The following CNPY4 variants were observed in gnomAD, a reference collection of about 807,000 sequenced individuals.
CNPY4 encodes canopy FGF signaling regulator 4.
CNPY4 carries 33 observed loss-of-function variants against 30.1 expected under a neutral mutation model. That is an observed-to-expected ratio of 1.10 (90% confidence interval 0.83 to 1.46). The LOEUF (loss-of-function observed/expected upper bound fraction) is 1.46, where lower values mean the gene tolerates loss of function less well. CNPY4 is among the 40% of genes most tolerant of loss of function. The pLI, the probability that CNPY4 is intolerant of heterozygous loss-of-function variation, is 0.00. For missense variants in CNPY4, 324 were observed against 302.6 expected (o/e 1.07, Z -0.52); for synonymous variants, 109 against 110.1 (o/e 0.99, Z 0.06).
chr7:100,121,114 A>ATTTTTTT (rs1798043118), intron 1 of CNPY4: 2 of 31,162 alleles, frequency 6.4e-5, no homozygotes, highest in Non-Finnish European at 1.1e-4. Flanking sequence ...ATATATATAT[A>ATTTTTTT]TATTTTTTTT....
Position 100,124,817 on chromosome 7 carries a change from G to A in CNPY4, c.676G>A (p.Glu226Lys), listed in dbSNP as rs187806620. Residue 226 changes from glutamate to lysine, a missense_variant, in exon 6 of 6, where the codon GAG becomes AAG. Coordinates refer to ENST00000262932, the MANE Select transcript of CNPY4 (RefSeq NM_152755.2). ...AGAGCAGGAGGAGGAGGAGGAAGAG[G>A]AGGAAGAGGAAGGGGGAGACAAGAT... ...EEEQEEEEEE[E>K]EEEGGDKMTK... is the part of the protein sequence containing the mutation. 9.9e-6 allele frequency: 16 copies of A among 1,613,532 alleles called. No homozygotes were observed. The highest frequency in any genetic ancestry group is 3.3e-5 in the Admixed American group (2 of 59,956).
chr7:100,124,713 C>A lies in CNPY4; in HGVS notation c.584-12C>A, dbSNP rs1019356159. On this transcript the variant is annotated splice_polypyrimidine_tract_variant and intron_variant, in intron 5 of 5. Coordinates refer to ENST00000262932, the MANE Select transcript of CNPY4 (RefSeq NM_152755.2). ...GACTAATATCTAAATTGTTTTCTGT[C>A]ATCCGATCTAGCATGTCTACAGGAA... 3 of 1,613,700 alleles carry A rather than the reference C, an allele frequency of 1.9e-6. No individual in the cohort carries two copies.
At chr7:100,121,110 A>ATTTTTTTT (rs1798036782) in intron 1 of CNPY4, 11 of 28,396 alleles carry the variant, frequency 3.9e-4, no homozygotes, top group East Asian at 7.1e-4. Flanking sequence ...ATATATATAT[A>ATTTTTTTT]TATATATTTT....
intron 4 of CNPY4, 199 bp from the exon 5 acceptor site, chr7:100,124,315 A>G (rs1798156492): frequency 1.8e-6 from 1 of 545,340 alleles, no homozygotes; most frequent in Non-Finnish European, 3.3e-6. Context: ...CTGAGACTCA[A>G]GAGTTTAATA....
In CNPY4 at chr7:100,122,335, G is replaced by T; in HGVS notation, c.195G>T (p.Gly65=). ...GATCTCGAGAGGTGCTGGAGCTGGG[G>T]CAGGTGCTGGATACAGGCAAGAGGA... ...TGRSREVLEL[G]QVLDTGKRKR... Residue 65 remains glycine, a synonymous_variant, in exon 2 of 6, where the codon GGG becomes GGT. Coordinates refer to ENST00000262932, the MANE Select transcript of CNPY4 (RefSeq NM_152755.2). 6.2e-7 allele frequency: 1 copy of T among 1,614,172 alleles called. No individual in the cohort carries two copies. The highest frequency in any genetic ancestry group is 8.5e-7 in the Non-Finnish European group (1 of 1,180,036).
rs1308868537 is a variant in CNPY4 at position 100,119,799 on chromosome 7, G to T, written c.55G>T (p.Ala19Ser). The T allele has an allele frequency of 1.9e-6, 3 of 1,614,154 alleles. No individual in the cohort carries two copies. Among genetic ancestry groups the T allele is most frequent in the Non-Finnish European group, 1.7e-6 (2 of 1,180,022 alleles). Residue 19 changes from alanine to serine, a missense_variant, in exon 1 of 6, where the codon GCT (alanine) becomes TCT (serine). Physicochemically the swap from Ala to Ser is moderately conservative, Grantham distance 99. Transcript: ENST00000262932. ...TTTCCTTTTTTTGGCCGTGCACGAGGCTTGGGCTGGGATGTTGAAGGAGGA... is the reference window on the plus strand; with the variant it reads ...TTTCCTTTTTTTGGCCGTGCACGAGTCTTGGGCTGGGATGTTGAAGGAGGA... ...LLFLFLAVHEAWAGMLKEEDD... is the reference protein window; with the variant it reads ...LLFLFLAVHESWAGMLKEEDD...
At chr7:100,124,197 A>T (rs1166126478) in intron 4 of CNPY4, among the ~76,000 whole-genome samples, 1 of 151,708 alleles carries the variant, frequency 6.6e-6, no homozygotes, top group Non-Finnish European at 1.5e-5. Flanking sequence ...TTGAGCACCT[A>T]CTGTGTCCCA....
intron 1 of CNPY4, chr7:100,120,151 T>A (rs560173225): frequency 3.3e-6 from 1 of 299,710 alleles, no homozygotes; most frequent in South Asian, 4.9e-5. Flanking sequence ...CTGCCAACTT[T>A]TAGAGCATCT....
chr7:100,124,457 G>C, intron 4 of CNPY4, 57 bp from the exon 5 acceptor site: 2 of 1,376,588 alleles, frequency 1.5e-6, no homozygotes, highest in Non-Finnish European at 2.1e-6. Context: ...AGAGAAGACA[G>C]GCGGGATCCC....
At chr7:100,124,460 G>T in intron 4 of CNPY4, 54 bp from the exon 5 acceptor site, 1 of 1,390,900 alleles carries the variant, frequency 7.2e-7, no homozygotes, top group South Asian at 1.2e-5. Context: ...GAAGACAGGC[G>T]GGATCCCAAA....
At chr7:100,121,117 T>TATACATA (rs1491228284) in intron 1 of CNPY4, 6 of 35,160 alleles carry the variant, frequency 1.7e-4, no homozygotes, top group Admixed American at 4.9e-4. Flanking sequence ...TATATATATA[T>TATACATA]TTTTTTTTTT....
rs1194438025 is a variant in CNPY4 at position 100,125,196 on chromosome 7, A to T, written c.*308A>T. 1 of 304,480 alleles carries T rather than the reference A, an allele frequency of 3.3e-6. No homozygotes were observed. The highest frequency in any genetic ancestry group is 6.1e-6 in the Non-Finnish European group (1 of 163,820). 18.9% of individuals were successfully genotyped at this position (304,480 alleles called of 1,614,324 possible). On this transcript the variant is annotated 3_prime_UTR_variant, in exon 6 of 6. Transcript: ENST00000262932. ...CTGATCCCACCCCCACCCAAAAGTC[A>T]GCAGTGGCACTGGAGCTGTGGGCTT...
Position 100,125,018 on chromosome 7 carries a change from C to A in CNPY4, c.*130C>A. The A allele has an allele frequency of 9.3e-7, 1 of 1,080,936 alleles. No individual in the cohort carries two copies. Among genetic ancestry groups the A allele is most frequent in the Middle Eastern group, 2.1e-4 (1 of 4,748 alleles). 67.0% of individuals were successfully genotyped at this position (1,080,936 alleles called of 1,614,324 possible). ...ACCCAAGCTTGTAGCTGTTCTCTCC[C>A]ATCTAACCTCAGGCAAGATCCTGGT... On this transcript the variant is annotated 3_prime_UTR_variant, in exon 6 of 6. Transcript: ENST00000262932.
chr7:100,119,637 C>T lies in CNPY4; in HGVS notation c.-108C>T. On this transcript the variant is annotated 5_prime_UTR_variant, in exon 1 of 6. Coordinates refer to ENST00000262932, the MANE Select transcript of CNPY4 (RefSeq NM_152755.2). ...CTGATCCTGCGCATGCGCCGACCTT[C>T]CTCGGCTGGATTTAAGGTTGCCGCT... 2.5e-6 allele frequency: 4 copies of T among 1,602,520 alleles called. No individual in the cohort carries two copies. Among genetic ancestry groups the T allele is most frequent in the Non-Finnish European group, 3.4e-6 (4 of 1,174,192 alleles).
At position 100,119,878 on chromosome 7, in the gene CNPY4, A is replaced by G; in HGVS notation, c.118+16A>G. Reference sequence around the variant, plus strand: ...AAATGCGAAGGTATTTGAAGGGGGTAGCCCCTATAGGCATCGCCCGGCCAC... The same window carrying G: ...AAATGCGAAGGTATTTGAAGGGGGTGGCCCCTATAGGCATCGCCCGGCCAC... On this transcript the variant is annotated intron_variant, in intron 1 of 5. Coordinates refer to ENST00000262932, the MANE Select transcript of CNPY4 (RefSeq NM_152755.2). 1 of 1,595,510 alleles carries G rather than the reference A, an allele frequency of 6.3e-7. No individual in the cohort carries two copies. Among genetic ancestry groups the G allele is most frequent in the Non-Finnish European group, 8.5e-7 (1 of 1,170,318 alleles).
In CNPY4 at chr7:100,122,934, G is replaced by A. The variant is rs751666172; in HGVS notation, c.465+28G>A. 10 of 1,589,912 alleles carry A rather than the reference G, an allele frequency of 6.3e-6. No homozygotes were observed. In the South Asian group the frequency reaches 1.0e-4, roughly 16 times the overall value. On this transcript the variant is annotated intron_variant, in intron 4 of 5. Coordinates refer to ENST00000262932, the MANE Select transcript of CNPY4 (RefSeq NM_152755.2). Reference sequence around the variant, plus strand: ...AGGATAAGACACTGCACCATCCAGGGAGGTGAGAAGGGAACCTGAGAGGGG... The same window carrying A: ...AGGATAAGACACTGCACCATCCAGGAAGGTGAGAAGGGAACCTGAGAGGGG...
At chr7:100,122,236 C>CG (rs1240859657) in intron 1 of CNPY4, 23 bp from the exon 2 acceptor site, 6 of 1,613,370 alleles carry the variant, frequency 3.7e-6, no homozygotes, top group Non-Finnish European at 5.1e-6. Context: ...TACCTCCCCC[C>CG]GGACGTTTCT....
chr7:100,124,989 C>T lies in CNPY4; in HGVS notation c.*101C>T, dbSNP rs1351422814. On this transcript the variant is annotated 3_prime_UTR_variant, in exon 6 of 6. Transcript: ENST00000262932. Reference sequence around the variant, plus strand: ...GCTTTCAGGGTGTGTTTATGAGTGACTCCACCCAAGCTTGTAGCTGTTCTC... The same window carrying T: ...GCTTTCAGGGTGTGTTTATGAGTGATTCCACCCAAGCTTGTAGCTGTTCTC... The T allele has an allele frequency of 1.5e-6, 2 of 1,354,014 alleles. No homozygotes were observed. The highest frequency in any genetic ancestry group is 2.0e-6 in the Non-Finnish European group (2 of 991,786). 83.9% of individuals were successfully genotyped at this position (1,354,014 alleles called of 1,614,324 possible).
intron 3 of CNPY4, 95 bp downstream of exon 3, chr7:100,122,672 A>G: frequency 6.6e-7 from 1 of 1,513,980 alleles, no homozygotes. Context: ...TCATCTCACC[A>G]TCATGGAACT....
Sources: gnomAD v4.1 joint callset for allele counts (sites outside exome capture counted in the v4.1 genomes callset) on GRCh38, gnomAD v4.1.1 for gene constraint, MANE v1.5 for transcripts, NCBI Gene and HGNC (gene_info 2026-07-23, HGNC 2026-07-21) for gene names.